C12orf42: variants seen among roughly 807,000 people sequenced by gnomAD.
The protein encoded by C12orf42 is chromosome 12 open reading frame 42, also known as uncharacterized protein C12orf42.
In C12orf42, 25 loss-of-function variants were observed where a neutral mutation model predicts 21.6. The observed-to-expected ratio is 1.16, with a 90% CI of 0.84 to 1.62. C12orf42 has a LOEUF of 1.62. Among genes scored for constraint, C12orf42 ranks in the 40% most tolerant of loss-of-function variants. The probability of loss-of-function intolerance (pLI) is 0.00; values close to 1 mark genes in which losing one functional copy is unlikely to be tolerated. For missense variants in C12orf42, 483 were observed against 459.3 expected (o/e 1.05, Z -0.47); for synonymous variants, 174 against 175.0 (o/e 0.99, Z 0.05).
At chr12:103,173,993 T>C in the C12orf42 span, among the ~76,000 whole-genome samples, 1 of 152,216 alleles carries the variant, frequency 6.6e-6, no homozygotes. Flanking sequence ...AAAGAGATTA[T>C]GAATCCAAAT....
At chr12:103,275,835 A>G (rs2035741053) in intron 5 of C12orf42, among the ~76,000 whole-genome samples, 4 of 151,806 alleles carry the variant, frequency 2.6e-5, no homozygotes, top group Admixed American at 6.6e-5. Context: ...CACACCTGTA[A>G]TCCCAGTGAC....
downstream of C12orf42, among the ~76,000 whole-genome samples, chr12:103,299,617 A>C (rs1255665895): frequency 6.6e-6 from 1 of 152,208 alleles, no homozygotes; most frequent in South Asian, 2.1e-4. Flanking sequence ...GAACCTGTGA[A>C]ACAATTATTT....
chr12:103,083,527 A>T, the C12orf42 span, among the ~76,000 whole-genome samples: 12 of 152,366 alleles, frequency 7.9e-5, no homozygotes, highest in Admixed American at 2.0e-4. Flanking sequence ...CTAGAAGTAT[A>T]GTGAAAACAC....
the C12orf42 span, among the ~76,000 whole-genome samples, chr12:103,217,253 C>T: frequency 6.6e-6 from 1 of 152,130 alleles, no homozygotes. Context: ...AGTGCAGCGG[C>T]TCACACCTGT....
chr12:103,139,159 G>A, the C12orf42 span, among the ~76,000 whole-genome samples: 2 of 152,076 alleles, frequency 1.3e-5, no homozygotes, highest in Non-Finnish European at 2.9e-5. Flanking sequence ...CCCAAGCTCT[G>A]CCCTTTATCC....
At chr12:103,306,570 G>C (rs1186427921) in intron 4 of C12orf42, among the ~76,000 whole-genome samples, 1 of 152,130 alleles carries the variant, frequency 6.6e-6, no homozygotes, top group African/African-American at 2.4e-5. Context: ...TTCTAGTTAT[G>C]TTGAAGGCAC....
At chr12:103,390,964 A>G (rs1251055279) in intron 3 of C12orf42, among the ~76,000 whole-genome samples, 3 of 152,222 alleles carry the variant, frequency 2.0e-5, no homozygotes, top group Admixed American at 2.0e-4. Context: ...ACATCCAGAA[A>G]CAATGTTTAA....
the C12orf42 span, among the ~76,000 whole-genome samples, chr12:103,101,990 C>T: frequency 6.6e-6 from 1 of 152,184 alleles, no homozygotes; most frequent in African/African-American, 2.4e-5. Context: ...GTGTTCAGGG[C>T]CTCTTGAGGC....
chr12:103,400,573 G>C (rs2047909320), intron 3 of C12orf42, among the ~76,000 whole-genome samples: 1 of 152,174 alleles, frequency 6.6e-6, no homozygotes, highest in South Asian at 2.1e-4. Flanking sequence ...ATATTCCTCT[G>C]CTTTAGTGCA....
At chr12:103,071,866 A>G in the C12orf42 span, among the ~76,000 whole-genome samples, 1 of 152,098 alleles carries the variant, frequency 6.6e-6, no homozygotes, top group East Asian at 1.9e-4. Context: ...CCAGACCAAA[A>G]ATAGGATAAT....
intron 4 of C12orf42, among the ~76,000 whole-genome samples, chr12:103,336,634 C>A (rs2064530460): frequency 6.6e-6 from 1 of 152,122 alleles, no homozygotes; most frequent in Non-Finnish European, 1.5e-5. Flanking sequence ...ATATGTAATC[C>A]TGGGGACCAT....
At chr12:103,354,103 A>T (rs1025942628) in intron 4 of C12orf42, among the ~76,000 whole-genome samples, 2 of 152,174 alleles carry the variant, frequency 1.3e-5, no homozygotes, top group Admixed American at 6.6e-5. Flanking sequence ...AGGAGAAGCA[A>T]CAATGAGTCA....
intron 2 of C12orf42, among the ~76,000 whole-genome samples, chr12:103,471,457 T>C (rs868027082): frequency 2.6e-5 from 4 of 152,340 alleles, no homozygotes; most frequent in Middle Eastern, 3.4e-3. Flanking sequence ...GTCAATTTCA[T>C]TTAAAATAAC....
intron 10 of C12orf42, among the ~76,000 whole-genome samples, chr12:103,243,034 T>A (rs2033830092): frequency 6.6e-6 from 1 of 152,138 alleles, no homozygotes; most frequent in Non-Finnish European, 1.5e-5. Flanking sequence ...ATGGGAAATT[T>A]TTTTTAAGAG....
the C12orf42 span, among the ~76,000 whole-genome samples, chr12:103,520,519 GC>G: frequency 4.0e-5 from 6 of 148,404 alleles, no homozygotes; most frequent in Non-Finnish European, 8.9e-5. Flanking sequence ...TAAGACCTCT[GC>G]CCCTAACAAC....
At chr12:103,077,003 T>C in the C12orf42 span, among the ~76,000 whole-genome samples, 1 of 152,214 alleles carries the variant, frequency 6.6e-6, no homozygotes, top group Non-Finnish European at 1.5e-5. Context: ...TTAATTAAAA[T>C]TGAGTTTCTA....
the C12orf42 span, among the ~76,000 whole-genome samples, chr12:103,076,694 G>C: frequency 6.6e-6 from 1 of 152,084 alleles, no homozygotes; most frequent in South Asian, 2.1e-4. Context: ...CCATTATAGT[G>C]ATACCTAACA....
intron 4 of C12orf42, among the ~76,000 whole-genome samples, chr12:103,308,216 A>C (rs1209643482): frequency 6.6e-6 from 1 of 152,210 alleles, no homozygotes; most frequent in South Asian, 2.1e-4. Context: ...ACACTTGACA[A>C]ATATTGAACA....
chr12:103,135,134 AC>A, the C12orf42 span, among the ~76,000 whole-genome samples: 1 of 152,174 alleles, frequency 6.6e-6, no homozygotes, highest in Admixed American at 6.5e-5. Context: ...AAAGTATACA[AC>A]CTACTGGTAG....
Sources: allele counts gnomAD v4.1 joint callset (sites outside exome capture counted in the v4.1 genomes callset), GRCh38; gene constraint gnomAD v4.1.1; transcripts MANE v1.5; gene names NCBI Gene and HGNC (gene_info 2026-07-23, HGNC 2026-07-21).